The following FOXP1 variants were observed in gnomAD, a reference collection of about 807,000 sequenced individuals.
The protein encoded by FOXP1 is forkhead box P1, also known as forkhead box protein P1.
FOXP1 carries 15 observed loss-of-function variants against 98.2 expected under a neutral mutation model. The ratio of observed to expected loss-of-function variants is 0.15; its 90% CI spans 0.10 to 0.24. The LOEUF (loss-of-function observed/expected upper bound fraction) is 0.24, where lower values mean the gene tolerates loss of function less well. Ranked by LOEUF, FOXP1 falls within the 10% of genes least tolerant of loss-of-function variation. The pLI, the probability that FOXP1 is intolerant of heterozygous loss-of-function variation, is 1.00. For synonymous variants in FOXP1, 371 were observed against 314.5 expected (o/e 1.18, Z -1.90); for missense variants, 633 against 848.5 (o/e 0.75, Z 3.15).
At chr3:71,182,549 C>CTT (rs369563965) in intron 6 of FOXP1, among the ~76,000 whole-genome samples, 75 of 112,934 alleles carry the variant, frequency 6.6e-4, no homozygotes, top group African/African-American at 1.8e-3. Context: ...TGTATATATT[C>CTT]TTTTTTTTTT....
chr3:71,178,414 G>A (rs965068193), intron 6 of FOXP1, among the ~76,000 whole-genome samples: 51 of 151,982 alleles, frequency 3.4e-4, no homozygotes, highest in Middle Eastern at 3.2e-3. Context: ...GATGAGAGGC[G>A]TGAGCCATCG....
intron 7 of FOXP1, among the ~76,000 whole-genome samples, chr3:71,104,957 G>A (rs2057299959): frequency 6.6e-6 from 1 of 151,928 alleles, no homozygotes; most frequent in Non-Finnish European, 1.5e-5. Context: ...CAGCTTTGTT[G>A]TAATCATATA....
At chr3:71,162,487 G>T (rs535960028) in intron 6 of FOXP1, among the ~76,000 whole-genome samples, 1 of 152,312 alleles carries the variant, frequency 6.6e-6, no homozygotes, top group Non-Finnish European at 1.5e-5. Context: ...TGTTAAGATG[G>T]TTAAGACTTT....
chr3:71,520,570 A>G (rs964899057), intron 2 of FOXP1, among the ~76,000 whole-genome samples: 5 of 152,240 alleles, frequency 3.3e-5, no homozygotes, highest in Admixed American at 2.6e-4. Context: ...GAACAGCAAC[A>G]AAACACTATT....
At chr3:71,176,743 CAAAAAAAAAA>C (rs573639526) in intron 6 of FOXP1, among the ~76,000 whole-genome samples, 2 of 75,520 alleles carry the variant, frequency 2.6e-5, no homozygotes, top group Admixed American at 1.3e-4. Context: ...GAGGCTATCT[CAAAAAAAAAA>C]AAAAAAAAAA....
At chr3:71,396,912 ATG>A (rs148361921) in intron 3 of FOXP1, among the ~76,000 whole-genome samples, 5,537 of 56,302 alleles carry the variant, frequency 0.098, 1,020 homozygotes, top group Non-Finnish European at 0.15. Flanking sequence ...GAACATATAT[ATG>A]TGTGTATATA....
At chr3:71,040,233 T>C (rs769073398) in intron 11 of FOXP1, 4 of 152,150 alleles carry the variant, frequency 2.6e-5, no homozygotes, top group African/African-American at 7.2e-5. Context: ...TTGAGAAATA[T>C]ATGAAATTAC....
At chr3:71,369,159 G>A (rs2079117190) in intron 3 of FOXP1, among the ~76,000 whole-genome samples, 1 of 152,054 alleles carries the variant, frequency 6.6e-6, no homozygotes, top group African/African-American at 2.4e-5. Flanking sequence ...GGAGGCTGAG[G>A]CAGGTGAATC....
intron 3 of FOXP1, among the ~76,000 whole-genome samples, chr3:71,393,553 C>T (rs548172429): frequency 2.0e-5 from 3 of 152,166 alleles, no homozygotes; most frequent in Non-Finnish European, 2.9e-5. Context: ...AACCAAATTC[C>T]GTTAAAAATA....
chr3:71,136,667 G>C (rs1418698239), intron 6 of FOXP1, among the ~76,000 whole-genome samples: 1 of 152,194 alleles, frequency 6.6e-6, no homozygotes, highest in Non-Finnish European at 1.5e-5. Flanking sequence ...TCTGTGCTAA[G>C]TCCATCAACA....
At chr3:71,387,575 G>A (rs2080686973) in intron 3 of FOXP1, among the ~76,000 whole-genome samples, 2 of 152,188 alleles carry the variant, frequency 1.3e-5, no homozygotes, top group South Asian at 4.1e-4. Flanking sequence ...AATATTGTCT[G>A]TAATCTGTCT....
At chr3:71,464,397 G>A (rs1268108174) in intron 3 of FOXP1, among the ~76,000 whole-genome samples, 2 of 152,180 alleles carry the variant, frequency 1.3e-5, no homozygotes, top group Non-Finnish European at 2.9e-5. Flanking sequence ...CAAAGTCAGC[G>A]ACCTCCAAAG....
chr3:71,240,787 T>C (rs1216105591), intron 5 of FOXP1, among the ~76,000 whole-genome samples: 5 of 151,640 alleles, frequency 3.3e-5, no homozygotes, highest in South Asian at 4.2e-4. Flanking sequence ...CCTCATGATC[T>C]GCCCGCCCTG....
chr3:71,151,833 C>G (rs1346512077), intron 6 of FOXP1, among the ~76,000 whole-genome samples: 1 of 152,160 alleles, frequency 6.6e-6, no homozygotes, highest in Non-Finnish European at 1.5e-5. Flanking sequence ...ACTCTTAGCT[C>G]TGTCTCCTGC....
chr3:71,345,108 G>C (rs561185580), intron 4 of FOXP1, among the ~76,000 whole-genome samples: 14 of 151,542 alleles, frequency 9.2e-5, no homozygotes, highest in African/African-American at 3.2e-4. Flanking sequence ...TACCAAAAAA[G>C]GCTGGGTGTG....
chr3:71,434,362 G>T (rs2085014020), intron 3 of FOXP1, among the ~76,000 whole-genome samples: 1 of 152,026 alleles, frequency 6.6e-6, no homozygotes, highest in African/African-American at 2.4e-5. Context: ...CCACCTGCAG[G>T]CTGCACCTCT....
At chr3:71,150,596 T>C (rs1003578463) in intron 6 of FOXP1, among the ~76,000 whole-genome samples, 6 of 152,124 alleles carry the variant, frequency 3.9e-5, no homozygotes, top group Admixed American at 3.9e-4. Flanking sequence ...AAGCACAAAT[T>C]TCTAACATCT....
chr3:71,227,222 T>C (rs1386619525), intron 5 of FOXP1, among the ~76,000 whole-genome samples: 2 of 152,146 alleles, frequency 1.3e-5, no homozygotes, highest in African/African-American at 2.4e-5. Context: ...ATGATCCTCA[T>C]GTCTCCTCGG....
intron 5 of FOXP1, among the ~76,000 whole-genome samples, chr3:71,268,831 T>A (rs1309921939): frequency 6.6e-6 from 1 of 152,192 alleles, no homozygotes; most frequent in Non-Finnish European, 1.5e-5. Context: ...GATGATTTAA[T>A]ATCTCTATCA....
Sources: allele counts gnomAD v4.1 joint callset (sites outside exome capture counted in the v4.1 genomes callset), GRCh38; gene constraint gnomAD v4.1.1; transcripts MANE v1.5; gene names NCBI Gene and HGNC (gene_info 2026-07-23, HGNC 2026-07-21).